The following IL1RAPL2 variants were observed in gnomAD, a reference collection of about 807,000 sequenced individuals.
IL1RAPL2 encodes interleukin 1 receptor accessory protein like 2, also known as X-linked interleukin-1 receptor accessory protein-like 2.
In IL1RAPL2, 3 loss-of-function variants were observed where a neutral mutation model predicts 44.1. That is an observed-to-expected ratio of 0.07 (90% confidence interval 0.03 to 0.18). IL1RAPL2 has a LOEUF of 0.18. Among genes scored for constraint, IL1RAPL2 ranks in the 10% least tolerant of loss-of-function variants. IL1RAPL2 has a pLI of 1.00. For synonymous variants in IL1RAPL2, 181 were observed against 178.8 expected (o/e 1.01, Z -0.10); for missense variants, 391 against 496.4 (o/e 0.79, Z 2.02).
chrX:104,904,043 G>A (rs913783141), intron 2 of IL1RAPL2, among the ~76,000 whole-genome samples: 1 of 111,056 alleles, frequency 9.0e-6, no homozygotes, highest in Non-Finnish European at 1.9e-5. Context: ...AGGAGAGGAA[G>A]ATTTTTGGGT....
At chrX:105,327,728 T>A (rs901988064) in intron 5 of IL1RAPL2, among the ~76,000 whole-genome samples, 3 of 111,262 alleles carry the variant, frequency 2.7e-5, no homozygotes, top group African/African-American at 9.8e-5. Context: ...CCCATTGAGA[T>A]GAATGTCATA....
At chrX:104,815,921 TAG>T (rs1921124046) in intron 2 of IL1RAPL2, among the ~76,000 whole-genome samples, 1 of 108,585 alleles carries the variant, frequency 9.2e-6, no homozygotes, top group East Asian at 2.9e-4. Context: ...ATAAAATACA[TAG>T]AGTCAATCAC....
At chrX:104,994,524 T>A (rs2030715519) in intron 2 of IL1RAPL2, among the ~76,000 whole-genome samples, 2 of 111,743 alleles carry the variant, frequency 1.8e-5, no homozygotes, top group Admixed American at 1.9e-4. Flanking sequence ...TTATAAATTG[T>A]ACCTCAATAA....
chrX:104,567,534 A>T (rs1455209625), intron 1 of IL1RAPL2, among the ~76,000 whole-genome samples: 1 of 112,238 alleles, frequency 8.9e-6, no homozygotes, highest in Non-Finnish European at 1.9e-5. Flanking sequence ...ACCAAGCACT[A>T]GGCAGGGGAG....
chrX:104,875,266 C>T lies in IL1RAPL2; in HGVS notation c.82+216271C>T, dbSNP rs777847831. Among the ~76,000 whole-genome samples, 13 of 111,400 alleles carry T rather than the reference C, an allele frequency of 1.2e-4. No homozygotes were observed. The East Asian group carries it at 3.7e-3, about 31-fold the overall frequency. ...AGAGACACTACAATCCTATGGTCTTCAGTATTGTTCCTTAAATTGACTCAT... is the reference window on the plus strand; with the variant it reads ...AGAGACACTACAATCCTATGGTCTTTAGTATTGTTCCTTAAATTGACTCAT... On this transcript the variant is annotated intron_variant, in intron 2 of 10. Coordinates refer to ENST00000372582, the MANE Select transcript of IL1RAPL2 (RefSeq NM_017416.2).
chrX:105,467,043 A>T (rs966195103), intron 5 of IL1RAPL2, among the ~76,000 whole-genome samples: 1 of 111,090 alleles, frequency 9.0e-6, no homozygotes, highest in Non-Finnish European at 1.9e-5. Flanking sequence ...TCATAACCCA[A>T]TCTTCTCCCA....
chrX:105,695,472 G>T (rs2038069522), intron 6 of IL1RAPL2, among the ~76,000 whole-genome samples: 1 of 111,291 alleles, frequency 9.0e-6, no homozygotes, highest in Non-Finnish European at 1.9e-5. Context: ...AGCCAATATA[G>T]GATAAGTGTT....
chrX:105,491,596 A>G (rs2036319481), intron 6 of IL1RAPL2, among the ~76,000 whole-genome samples: 1 of 111,853 alleles, frequency 8.9e-6, no homozygotes. Context: ...TCATGGCAGA[A>G]TTTCCTCACC....
intron 2 of IL1RAPL2, among the ~76,000 whole-genome samples, chrX:104,874,281 T>C (rs1282217410): frequency 1.0e-5 from 1 of 95,757 alleles, no homozygotes; most frequent in African/African-American, 4.0e-5. Flanking sequence ...TCTGTATTCC[T>C]CTCTCTCTCT....
At chrX:105,183,941 G>A (rs2033559282) in intron 2 of IL1RAPL2, among the ~76,000 whole-genome samples, 1 of 111,463 alleles carries the variant, frequency 9.0e-6, no homozygotes, top group Non-Finnish European at 1.9e-5. Context: ...TGGGATCCAG[G>A]ATTAGCTAGC....
chrX:105,646,883 G>A (rs1398990458), intron 6 of IL1RAPL2, among the ~76,000 whole-genome samples: 1 of 112,249 alleles, frequency 8.9e-6, no homozygotes, highest in Non-Finnish European at 1.9e-5. Flanking sequence ...TCTGGGAGAT[G>A]CAGTGTTACC....
At chrX:105,155,911 G>T (rs1165020369) in intron 2 of IL1RAPL2, among the ~76,000 whole-genome samples, 1 of 111,282 alleles carries the variant, frequency 9.0e-6, no homozygotes, top group East Asian at 2.8e-4. Context: ...CCTCCTCTAA[G>T]AGTACTTGTC....
intron 6 of IL1RAPL2, among the ~76,000 whole-genome samples, chrX:105,550,357 A>AT (rs1215263436): frequency 1.8e-5 from 2 of 112,040 alleles, no homozygotes; most frequent in Non-Finnish European, 3.8e-5. Context: ...AGCTCAATAA[A>AT]TTTTTTTAAA....
chrX:105,635,012 C>T (rs746663757), intron 6 of IL1RAPL2, among the ~76,000 whole-genome samples: 4 of 111,414 alleles, frequency 3.6e-5, no homozygotes, highest in South Asian at 3.7e-4. Flanking sequence ...ATAAAGACTT[C>T]ACAAAAGAGA....
chrX:104,999,375 A>AT (rs1252556190), intron 2 of IL1RAPL2, among the ~76,000 whole-genome samples: 1 of 111,050 alleles, frequency 9.0e-6, no homozygotes, highest in Admixed American at 9.6e-5. Flanking sequence ...GGTGTGAAAT[A>AT]TTTTTTAAAA....
intron 5 of IL1RAPL2, among the ~76,000 whole-genome samples, chrX:105,276,432 A>T (rs1381984100): frequency 1.8e-5 from 2 of 111,347 alleles, no homozygotes; most frequent in Non-Finnish European, 3.8e-5. Flanking sequence ...CAAAAATAAT[A>T]CTCAAATGCT....
intron 8 of IL1RAPL2, among the ~76,000 whole-genome samples, chrX:105,745,156 T>G (rs1464159492): frequency 4.5e-5 from 5 of 111,731 alleles, no homozygotes; most frequent in Non-Finnish European, 7.5e-5. Context: ...CAGAATGGCC[T>G]TCACCATTCA....
At chrX:104,896,521 G>T (rs1237581853) in intron 2 of IL1RAPL2, among the ~76,000 whole-genome samples, 2 of 111,562 alleles carry the variant, frequency 1.8e-5, no homozygotes, top group African/African-American at 6.5e-5. Context: ...TGGGCTTCTG[G>T]GTTGGGTGGA....
chrX:105,307,959 C>T (rs2034764473), intron 5 of IL1RAPL2, among the ~76,000 whole-genome samples: 1 of 108,976 alleles, frequency 9.2e-6, no homozygotes, highest in African/African-American at 3.3e-5. Flanking sequence ...GCCATTTCCT[C>T]ATGGAACTTT....
Sources: gnomAD v4.1 joint callset for allele counts (sites outside exome capture counted in the v4.1 genomes callset) on GRCh38, gnomAD v4.1.1 for gene constraint, MANE v1.5 for transcripts, NCBI Gene and HGNC (gene_info 2026-07-23, HGNC 2026-07-21) for gene names.